LHFPL3: variants seen among roughly 807,000 people sequenced by gnomAD.
The protein encoded by LHFPL3 is LHFPL tetraspan subfamily member 3 protein.
A neutral mutation model predicts 19.3 loss-of-function variants in LHFPL3; 5 were observed. That is an observed-to-expected ratio of 0.26 (90% CI 0.14 to 0.54). The LOEUF (loss-of-function observed/expected upper bound fraction) is 0.54. Among genes scored for constraint, LHFPL3 ranks in the 20% least tolerant of loss-of-function variants. The probability of loss-of-function intolerance (pLI) is 0.94; values close to 1 mark genes in which losing one functional copy is unlikely to be tolerated. For synonymous variants in LHFPL3, 133 were observed against 126.2 expected (o/e 1.05, Z -0.36); for missense variants, 249 against 307.4 (o/e 0.81, Z 1.42).
At chr7:104,438,274 C>T (rs1217417808) in intron 1 of LHFPL3, among the ~76,000 whole-genome samples, 2 of 149,994 alleles carry the variant, frequency 1.3e-5, no homozygotes, top group Non-Finnish European at 2.9e-5. Context: ...GGCTGTGCAA[C>T]GAATGAATTT....
intron 2 of LHFPL3, among the ~76,000 whole-genome samples, chr7:104,816,041 T>C (rs912234928): frequency 2.0e-5 from 3 of 152,186 alleles, no homozygotes; most frequent in African/African-American, 7.2e-5. Context: ...AGCCTCATTG[T>C]GTGCTTTCTG....
intron 1 of LHFPL3, among the ~76,000 whole-genome samples, chr7:104,653,737 A>G (rs1584462625): frequency 6.6e-6 from 1 of 152,100 alleles, no homozygotes; most frequent in Non-Finnish European, 1.5e-5. Flanking sequence ...TTGACATTCC[A>G]CCTGCCTGCA....
intron 1 of LHFPL3, among the ~76,000 whole-genome samples, chr7:104,699,003 C>T (rs562844819): frequency 2.0e-5 from 3 of 152,140 alleles, no homozygotes; most frequent in Non-Finnish European, 4.4e-5. Flanking sequence ...ACTTCACATA[C>T]AGTATAATTG....
At chr7:104,735,213 G>A (rs113634631) in intron 1 of LHFPL3, among the ~76,000 whole-genome samples, 84 of 152,314 alleles carry the variant, frequency 5.5e-4, no homozygotes, top group African/African-American at 1.7e-3. Context: ...CTCAAACTCC[G>A]TGCTGGGAGA....
chr7:104,532,427 T>C (rs1270014414), intron 1 of LHFPL3, among the ~76,000 whole-genome samples: 1 of 150,872 alleles, frequency 6.6e-6, no homozygotes, highest in Non-Finnish European at 1.5e-5. Flanking sequence ...TCCCAAAGTG[T>C]TGGGGTTATA....
rs530078021 is a variant in LHFPL3 at position 104,723,653 on chromosome 7, T to C, written c.446-13022T>C. 3.8e-5 allele frequency among the ~76,000 whole-genome samples: 5 copies of C among 131,470 alleles called. No homozygotes were observed. In the South Asian group the frequency reaches 9.3e-4, roughly 24 times the overall value. The allele number at this position is 131,470 out of a possible 152,430, so 86.2% of individuals were successfully genotyped here. A position where few individuals can be genotyped will look rare whatever the true frequency, so the allele number is the denominator to read the frequency against. ...AGGAGAATCGCTTGAACCCGCGAGG[T>C]AGAGGTTGCAGTGAGCCAAGATTGC... is the stretch of plus-strand genomic sequence containing the variant. On this transcript the variant is annotated intron_variant, in intron 1 of 2. Transcript: ENST00000424859.
intron 1 of LHFPL3, among the ~76,000 whole-genome samples, chr7:104,735,471 G>A (rs1793794214): frequency 6.6e-6 from 1 of 152,232 alleles, no homozygotes; most frequent in Admixed American, 6.5e-5. Context: ...TCAGACTGCT[G>A]TGCTAGCAAT....
chr7:104,370,663 G>A (rs1486280325), intron 1 of LHFPL3, among the ~76,000 whole-genome samples: 2 of 152,144 alleles, frequency 1.3e-5, no homozygotes, highest in African/African-American at 2.4e-5. Flanking sequence ...CTGGTGGATC[G>A]CCCGTGGTCA....
chr7:104,558,315 T>A (rs1198466607), intron 1 of LHFPL3, among the ~76,000 whole-genome samples: 1 of 146,906 alleles, frequency 6.8e-6, no homozygotes, highest in African/African-American at 2.5e-5. Context: ...AGTGTTCCTA[T>A]TTCTCCACAT....
chr7:104,654,750 G>C (rs1374091628), intron 1 of LHFPL3, among the ~76,000 whole-genome samples: 1 of 152,084 alleles, frequency 6.6e-6, no homozygotes, highest in East Asian at 1.9e-4. Flanking sequence ...TGAAAATGAA[G>C]AGCTGAGCAG....
intron 1 of LHFPL3, among the ~76,000 whole-genome samples, chr7:104,469,390 G>C (rs548099239): frequency 6.6e-6 from 1 of 152,300 alleles, no homozygotes; most frequent in South Asian, 2.1e-4. Flanking sequence ...TTTTGTGACT[G>C]TTTCCTGGTA....
intron 2 of LHFPL3, among the ~76,000 whole-genome samples, chr7:104,862,097 G>A (rs1191007510): frequency 3.3e-5 from 5 of 151,902 alleles, no homozygotes; most frequent in Admixed American, 3.3e-4. Flanking sequence ...ACTATCAAGG[G>A]GTAAAAGGAA....
chr7:104,848,666 G>A (rs1220882073), intron 2 of LHFPL3, among the ~76,000 whole-genome samples: 1 of 152,176 alleles, frequency 6.6e-6, no homozygotes. Flanking sequence ...GGGGAAAGGA[G>A]GAGGAAAGGA....
chr7:104,789,960 T>C (rs557028462), intron 2 of LHFPL3, among the ~76,000 whole-genome samples: 2 of 152,216 alleles, frequency 1.3e-5, no homozygotes, highest in African/African-American at 2.4e-5. Context: ...ATTAACATTA[T>C]GTATTGTAGA....
In LHFPL3 at chr7:104,766,218, T is replaced by C. The variant is rs989670089; in HGVS notation, c.682+29307T>C. Among the ~76,000 whole-genome samples, 7 of 152,320 alleles carry C rather than the reference T, an allele frequency of 4.6e-5. 1 individual carries two copies. The South Asian group carries it at 6.2e-4, about 14-fold the overall frequency. Reference sequence around the variant, plus strand: ...GAAACTTTGTTGATATGGGAGATTATCTAGAGAGCAATGAGTGGAATGATC... The same window carrying C: ...GAAACTTTGTTGATATGGGAGATTACCTAGAGAGCAATGAGTGGAATGATC... On this transcript the variant is annotated intron_variant, in intron 2 of 2. Transcript: ENST00000424859.
chr7:104,858,853 C>A (rs1402433288), intron 2 of LHFPL3, among the ~76,000 whole-genome samples: 1 of 152,016 alleles, frequency 6.6e-6, no homozygotes, highest in African/African-American at 2.4e-5. Flanking sequence ...ATCTTCCCAT[C>A]ATCCTATAAA....
At chr7:104,516,710 G>A (rs1331010785) in intron 1 of LHFPL3, among the ~76,000 whole-genome samples, 1 of 152,052 alleles carries the variant, frequency 6.6e-6, no homozygotes, top group African/African-American at 2.4e-5. Context: ...GTGTAAATTA[G>A]TTCAACCATT....
intron 2 of LHFPL3, among the ~76,000 whole-genome samples, chr7:104,817,353 T>A (rs4532541): frequency 6.6e-6 from 1 of 151,728 alleles, no homozygotes. Context: ...TCCCTTTTTC[T>A]CCTCATCTAA....
rs74760857 is a variant in LHFPL3 at position 104,653,117 on chromosome 7, G to A, written c.446-83558G>A. On this transcript the variant is annotated intron_variant, in intron 1 of 2. Transcript: ENST00000424859. The stretch of plus-strand genomic sequence containing the variant: ...GAGGCCTGGGTTGTCCCAGGGACAT[G>A]GCCTTGAGCTATTAAAAACCATGCT... Among the ~76,000 whole-genome samples, 672 of 152,282 alleles carry A rather than the reference G, an allele frequency of 4.4e-3. 38 individuals are homozygous for A. The East Asian group carries it at 0.11, about 25-fold the overall frequency.
Sources: allele counts gnomAD v4.1 joint callset (sites outside exome capture counted in the v4.1 genomes callset), GRCh38; gene constraint gnomAD v4.1.1; transcripts MANE v1.5; gene names NCBI Gene and HGNC (gene_info 2026-07-23, HGNC 2026-07-21).